Variants in LRP4 observed in about 807,000 individuals in gnomAD.
LRP4 encodes the protein LDL receptor related protein 4, also known as low-density lipoprotein receptor-related protein 4.
Under a neutral mutation model 220.3 loss-of-function variants are expected in LRP4, and 95 were observed. That is an observed-to-expected ratio of 0.43 (90% confidence interval 0.37 to 0.51). The LOEUF (loss-of-function observed/expected upper bound fraction) is 0.51, where lower values mean the gene tolerates loss of function less well. LRP4 is among the 20% of genes least tolerant of loss of function. The probability of loss-of-function intolerance (pLI) is 0.00; values close to 1 mark genes in which losing one functional copy is unlikely to be tolerated. For missense variants in LRP4, 1,925 were observed against 2,567.0 expected (o/e 0.75, Z 5.40); for synonymous variants, 903 against 954.6 (o/e 0.95, Z 1.00).
chr11:46,865,320 A>G, intron 34 of LRP4, 134 bp from the exon 35 acceptor site: 1 of 716,908 alleles, frequency 1.4e-6, no homozygotes, highest in South Asian at 1.5e-5. Context: ...AGACATCAGA[A>G]GCATGGAGAG....
intron 34 of LRP4, 84 bp downstream of exon 34, chr11:46,867,895 G>T: frequency 6.5e-7 from 1 of 1,528,756 alleles, no homozygotes; most frequent in Non-Finnish European, 9.0e-7. Flanking sequence ...TCTCCCAACT[G>T]CCTTATCAAG....
At chr11:46,897,770 CTTCT>C (rs1431012603) in intron 7 of LRP4, among the ~76,000 whole-genome samples, 3 of 152,266 alleles carry the variant, frequency 2.0e-5, no homozygotes, top group Non-Finnish European at 4.4e-5. Context: ...CCCATGTATA[CTTCT>C]TTCTACACAG....
At chr11:46,877,064 C>T in intron 23 of LRP4, 135 bp downstream of exon 23, 1 of 1,076,638 alleles carries the variant, frequency 9.3e-7, no homozygotes, top group Non-Finnish European at 1.4e-6. Flanking sequence ...GAGACAGGGA[C>T]AGGGGCTATG....
In LRP4 at chr11:46,875,233, T is replaced by G. The variant is rs1592522834; in HGVS notation, c.3926-130A>C. 9.7e-7 allele frequency: 1 copy of G among 1,033,808 alleles called. No individual in the cohort carries two copies. Among genetic ancestry groups the G allele is most frequent in the South Asian group, 1.4e-5 (1 of 73,390 alleles). 64.0% of individuals were successfully genotyped at this position (1,033,808 alleles called of 1,614,324 possible). ...GGATTCAGTGCCTGGCAGGGTGAGG[T>G]AGAAGGAGGGTCTGCAGGAGGATCT... On this transcript the variant is annotated intron_variant, in intron 27 of 37. Transcript: ENST00000378623. The surrounding 1 kb of genome is among the most constrained non-coding windows in gnomAD (Gnocchi z 4.5).
chr11:46,876,535 G>A lies in LRP4; in HGVS notation c.3467C>T (p.Ser1156Phe), dbSNP rs774023864. Residue 1156 changes from serine to phenylalanine, a missense_variant, in exon 25 of 38, where the codon TCC becomes TTC. Physicochemically the swap from Ser to Phe is radical, Grantham distance 155 (BLOSUM62 -2). This residue lies in a region of LRP4 where 1,244 missense variants were observed against 1,624.9 expected (regional missense o/e 0.77). Transcript: ENST00000378623. ...CTGCCACACCAACACTTTCCGCATGGACCCGTCCAGGTTGCCCACTTCAAT... is the reference window on the plus strand; with the variant it reads ...CTGCCACACCAACACTTTCCGCATGAACCCGTCCAGGTTGCCCACTTCAAT... Reference protein sequence around the residue: ...NRIEVGNLDGSMRKVLVWQNL... With the variant: ...NRIEVGNLDGFMRKVLVWQNL... The A allele has an allele frequency of 1.3e-5, 21 of 1,614,186 alleles. No individual in the cohort carries two copies. The highest frequency in any genetic ancestry group is 3.3e-4 in the Middle Eastern group (2 of 6,062).
chr11:46,917,714 G>A (rs570377128), intron 1 of LRP4, among the ~76,000 whole-genome samples: 64 of 152,200 alleles, frequency 4.2e-4, no homozygotes, highest in Middle Eastern at 6.8e-3. Flanking sequence ...CTGACTGGCC[G>A]CAGCCAAGAG....
chr11:46,896,870 T>C lies in LRP4; in HGVS notation c.921A>G (p.Thr307=), dbSNP rs1251943962. 6.2e-7 allele frequency: 1 copy of C among 1,614,052 alleles called. No homozygotes were observed. The highest frequency in any genetic ancestry group is 1.3e-5 in the African/African-American group (1 of 74,938). Residue 307 remains threonine, a splice_region_variant and synonymous_variant, in exon 8 of 38, where the codon ACA becomes ACG. Coordinates refer to ENST00000378623, the MANE Select transcript of LRP4 (RefSeq NM_002334.4). The stretch of plus-strand genomic sequence containing the variant: ...CTGGGGCACCCCGGGAGACACCACC[T>C]GTATTCTCACAGTTCTCTTCATCGC... The part of the protein sequence containing the change: ...DNSDEENCEN[T]GSPQCALDQF...
intron 1 of LRP4, among the ~76,000 whole-genome samples, chr11:46,911,017 A>G (rs962843928): frequency 1.3e-5 from 2 of 152,178 alleles, no homozygotes; most frequent in African/African-American, 4.8e-5. Flanking sequence ...TGAGGAGCCA[A>G]GGACAGGAGA....
chr11:46,898,062 C>G (rs186930464), intron 7 of LRP4, among the ~76,000 whole-genome samples: 20,675 of 138,668 alleles, frequency 0.15, 2,109 homozygotes, highest in East Asian at 0.58. Context: ...CTGACCCCCC[C>G]ACCTCCCTCC....
intron 7 of LRP4, among the ~76,000 whole-genome samples, chr11:46,897,334 CTTT>C (rs60604776): frequency 3.1e-5 from 4 of 128,084 alleles, no homozygotes; most frequent in African/African-American, 5.9e-5. Flanking sequence ...GCCTGTTTGT[CTTT>C]TTTTTTTTTT....
At chr11:46,888,826 T>C (rs1054637884) in intron 16 of LRP4, among the ~76,000 whole-genome samples, 1 of 152,104 alleles carries the variant, frequency 6.6e-6, no homozygotes, top group East Asian at 1.9e-4. Context: ...CTCTGGACTA[T>C]TCTTAGAAAA....
rs1940457026 is a variant in LRP4 at position 46,858,966 on chromosome 11, G to A, written c.*17C>T. 4 of 1,611,088 alleles carry A rather than the reference G, an allele frequency of 2.5e-6. No homozygotes were observed. The highest frequency in any genetic ancestry group is 2.5e-6 in the Non-Finnish European group (3 of 1,177,914). ...AAAGGAGAAGGAACAGGCAGGCAGG[G>A]AAGAGAATGTGGGCATTTAGACCTG... On this transcript the variant is annotated 3_prime_UTR_variant, in exon 38 of 38. Transcript: ENST00000378623.
At chr11:46,867,440 CT>C (rs1259881389) in intron 34 of LRP4, among the ~76,000 whole-genome samples, 2 of 151,848 alleles carry the variant, frequency 1.3e-5, no homozygotes, top group Admixed American at 6.6e-5. Flanking sequence ...TAAAGTTGTT[CT>C]TTTTTTTGTT....
intron 22 of LRP4, among the ~76,000 whole-genome samples, chr11:46,878,525 TG>T (rs1288822503): frequency 6.6e-6 from 1 of 152,046 alleles, no homozygotes; most frequent in Non-Finnish European, 1.5e-5. Context: ...TTGCCTGCCT[TG>T]GCCTCCCAAA....
intron 31 of LRP4, 140 bp from the exon 32 acceptor site, chr11:46,869,272 C>G: frequency 1.2e-6 from 1 of 807,896 alleles, no homozygotes; most frequent in Non-Finnish European, 2.1e-6. Flanking sequence ...TGTGCATCAA[C>G]AGACATGACA....
intron 1 of LRP4, among the ~76,000 whole-genome samples, chr11:46,913,168 C>G (rs1300347383): frequency 6.6e-6 from 1 of 152,136 alleles, no homozygotes; most frequent in Non-Finnish European, 1.5e-5. Context: ...CATCTGTGAG[C>G]AAGAATGGGA....
chr11:46,860,408 C>T (rs538284190), intron 37 of LRP4, among the ~76,000 whole-genome samples: 1 of 152,234 alleles, frequency 6.6e-6, no homozygotes, highest in Admixed American at 6.5e-5. Flanking sequence ...TGGGACTCTT[C>T]CAGGCACAGC....
rs1288073643 is a variant in LRP4 at position 46,874,830 on chromosome 11, T to C, written c.4199A>G (p.Tyr1400Cys). The C allele has an allele frequency of 2.5e-6, 4 of 1,614,072 alleles. No homozygotes were observed. The highest frequency in any genetic ancestry group is 3.4e-6 in the Non-Finnish European group (4 of 1,179,924). Residue 1400 changes from tyrosine (Y) to cysteine (C), a missense_variant, in exon 28 of 38, where the codon TAT becomes TGT. Around this residue, in one of 3 missense-constraint regions of LRP4, gnomAD observed 1,244 missense variants for 1,624.9 expected, o/e 0.77. Transcript: ENST00000378623. ...AACATCCAGGAACACATCTGTGTAA[T>C]AGACCTTTCCATCCACGCTGTCATA... is the stretch of plus-strand genomic sequence containing the variant. Reference protein sequence around the residue: ...LDYDSVDGKVYYTDVFLDVIR... With the variant: ...LDYDSVDGKVCYTDVFLDVIR...
rs1940910786 is a variant in LRP4 at position 46,873,031 on chromosome 11, G to C, written c.4583+69C>G. On this transcript the variant is annotated intron_variant, in intron 30 of 37. Transcript: ENST00000378623. This position sits in a 1 kb window ranked among gnomAD's most constrained non-coding sequence, Gnocchi z 4.2. The stretch of plus-strand genomic sequence containing the variant: ...GCTTTCTATCTTTTCATTTTTCCAA[G>C]GTTAATCTCAACCATTCTCTCTTCT... The C allele has an allele frequency of 6.3e-7, 1 of 1,597,922 alleles. No individual in the cohort carries two copies. The highest frequency in any genetic ancestry group is 8.6e-7 in the Non-Finnish European group (1 of 1,165,972).
Sources: gnomAD v4.1 joint callset for allele counts (sites outside exome capture counted in the v4.1 genomes callset) on GRCh38, gnomAD v4.1.1 for gene constraint, gnomAD v4.1.1 regional missense constraint, Gnocchi (gnomAD v3.1) non-coding constraint, MANE v1.5 for transcripts, NCBI Gene and HGNC (gene_info 2026-07-23, HGNC 2026-07-21) for gene names.